KIF26B: variants seen among roughly 807,000 people sequenced by gnomAD.
KIF26B encodes kinesin-like protein KIF26B.
KIF26B carries 63 observed loss-of-function variants against 151.2 expected under a neutral mutation model. The observed-to-expected ratio is 0.42, with a 90% CI of 0.34 to 0.51. The LOEUF (loss-of-function observed/expected upper bound fraction) is 0.51. Ranked by LOEUF, KIF26B falls within the 20% of genes least tolerant of loss-of-function variation. The probability of loss-of-function intolerance (pLI) is 0.07; values close to 1 mark genes in which losing one functional copy is unlikely to be tolerated. For synonymous variants in KIF26B, 1,357 were observed against 1,262.1 expected (o/e 1.08, Z -1.59); for missense variants, 2,813 against 2,913.6 (o/e 0.97, Z 0.79).
intron 4 of KIF26B, among the ~76,000 whole-genome samples, chr1:245,532,397 C>T (rs1261895167): frequency 1.8e-4 from 27 of 151,788 alleles, no homozygotes; most frequent in Non-Finnish European, 8.8e-5. Flanking sequence ...AGGCGCCCGC[C>T]ACCATGCCCA....
In KIF26B at chr1:245,540,793, C is replaced by T. The variant is rs1007396332; in HGVS notation, c.1193C>T (p.Ser398Phe). ...ARAAQKLNLS[S>F]KKKKHRPSTS... is the part of the protein sequence containing the mutation. Reference sequence around the variant, plus strand: ...GCTGCCCAGAAGTTAAATCTGTCTTCTAAAAAGAAGAAACATCGGCCTTCC... The same window carrying T: ...GCTGCCCAGAAGTTAAATCTGTCTTTTAAAAAGAAGAAACATCGGCCTTCC... Residue 398 changes from serine (S) to phenylalanine (F), a missense_variant, in exon 5 of 15, where the codon TCT (serine) becomes TTT (phenylalanine). Ser to Phe is a radical substitution (Grantham distance 155, BLOSUM62 -2). Around this residue, in one of 3 missense-constraint regions of KIF26B, gnomAD observed 676 missense variants for 688.1 expected, o/e 0.98. Transcript: ENST00000407071. The surrounding 1 kb of genome is among the most constrained non-coding windows in gnomAD (Gnocchi z 4.6). 2 of 1,613,876 alleles carry T rather than the reference C, an allele frequency of 1.2e-6. No individual in the cohort carries two copies. Among genetic ancestry groups the T allele is most frequent in the African/African-American group, 2.7e-5 (2 of 74,928 alleles).
chr1:245,411,205 G>A (rs1166365499), intron 3 of KIF26B, among the ~76,000 whole-genome samples: 1 of 152,220 alleles, frequency 6.6e-6, no homozygotes, highest in Non-Finnish European at 1.5e-5. Context: ...CAGTAGGCCT[G>A]ACCCTGCCAG....
rs1172289303 is a variant in KIF26B, at chr1:245,540,253, AT to A, written c.1167-509del. Among the ~76,000 whole-genome samples, 1 of 152,024 alleles carries A rather than the reference AT, an allele frequency of 6.6e-6. No homozygotes were observed. Among genetic ancestry groups the A allele is most frequent in the African/African-American group, 2.4e-5 (1 of 41,384 alleles). On this transcript the variant is annotated intron_variant, in intron 4 of 14. Coordinates refer to ENST00000407071, the MANE Select transcript of KIF26B (RefSeq NM_018012.4). The surrounding 1 kb of genome is among the most constrained non-coding windows in gnomAD (Gnocchi z 4.6). Reference sequence around the variant, plus strand: ...GTGGTATATTTCTAAAACCAGTTTGATTTTTCCTGTTGCACTGGGGCTTGTG... The same window carrying A: ...GTGGTATATTTCTAAAACCAGTTTGATTTTCCTGTTGCACTGGGGCTTGTG...
chr1:245,196,868 A>G (rs910604140), intron 2 of KIF26B, among the ~76,000 whole-genome samples: 1 of 152,126 alleles, frequency 6.6e-6, no homozygotes, highest in African/African-American at 2.4e-5. Flanking sequence ...CTATCCTCAG[A>G]GGTACTGTGT....
At position 245,702,398 on chromosome 1, in the gene KIF26B, C is replaced by T. The variant is rs1344820196; in HGVS notation, c.6179-60C>T. Reference sequence around the variant, plus strand: ...GGGTGGCAGCTCCAGGCTGAGCCGTCGGGAGTTGCTTCTCACCCTGTTTGC... The same window carrying T: ...GGGTGGCAGCTCCAGGCTGAGCCGTTGGGAGTTGCTTCTCACCCTGTTTGC... On this transcript the variant is annotated intron_variant, in intron 14 of 14. Coordinates refer to ENST00000407071, the MANE Select transcript of KIF26B (RefSeq NM_018012.4). This position sits in a 1 kb window ranked among gnomAD's most constrained non-coding sequence, Gnocchi z 4.1. 8 of 1,594,026 alleles carry T rather than the reference C, an allele frequency of 5.0e-6. No homozygotes were observed. The Admixed American group carries it at 6.7e-5, about 13-fold the overall frequency.
Position 245,400,491 on chromosome 1 carries a change from T to TG in KIF26B, c.1000-19088_1000-19087insG, listed in dbSNP as rs561327762. Among the ~76,000 whole-genome samples, 200 of 150,812 alleles carry TG rather than the reference T, an allele frequency of 1.3e-3. 6 individuals are homozygous for TG. Among genetic ancestry groups the TG allele is most frequent in the Admixed American group, 0.012 (185 of 15,128 alleles). Reference sequence around the variant, plus strand: ...AAAACAATCACATAGATAGTGAGTTTTTTTTTTTTTTTTTTGAAATTACCT... The same window carrying TG: ...AAAACAATCACATAGATAGTGAGTTTGTTTTTTTTTTTTTTTGAAATTACCT... On this transcript the variant is annotated intron_variant, in intron 3 of 14. Transcript: ENST00000407071.
At chr1:245,334,038 AGGTGGGCTGGGGTGG>A (rs889167897) in intron 2 of KIF26B, among the ~76,000 whole-genome samples, 1 of 151,578 alleles carries the variant, frequency 6.6e-6, no homozygotes, top group Non-Finnish European at 1.5e-5. Context: ...ATGTCGGGTG[AGGTGGGCTGGGGTGG>A]GCGATTTATT....
chr1:245,182,587 C>T (rs1488634876), intron 2 of KIF26B, among the ~76,000 whole-genome samples: 1 of 152,002 alleles, frequency 6.6e-6, no homozygotes, highest in Admixed American at 6.5e-5. Flanking sequence ...TGGATAGATG[C>T]CTAGGTGTGG....
At position 245,488,958 on chromosome 1, in the gene KIF26B, C is replaced by A. The variant is rs1660339856; in HGVS notation, c.1167-51809C>A. 6.6e-6 allele frequency among the ~76,000 whole-genome samples: 1 copy of A among 152,144 alleles called. No individual in the cohort carries two copies. Among genetic ancestry groups the A allele is most frequent in the African/African-American group, 2.4e-5 (1 of 41,430 alleles). On this transcript the variant is annotated intron_variant, in intron 4 of 14. Transcript: ENST00000407071. The surrounding 1 kb of genome is among the most constrained non-coding windows in gnomAD (Gnocchi z 4.6). ...CTTAAGCCTCAGGCTCTTTTATTTG[C>A]AAATGTCCTGCACCCTCCATCTCAG...
intron 2 of KIF26B, among the ~76,000 whole-genome samples, chr1:245,222,697 A>G (rs899633666): frequency 6.6e-6 from 1 of 152,210 alleles, no homozygotes; most frequent in Non-Finnish European, 1.5e-5. Context: ...AATGTTGCAT[A>G]TTGAGAGTGG....
intron 2 of KIF26B, among the ~76,000 whole-genome samples, chr1:245,344,186 C>A (rs1672393295): frequency 6.6e-6 from 1 of 150,668 alleles, no homozygotes; most frequent in South Asian, 2.1e-4. Context: ...CTCCCTATCT[C>A]TTTCTTTCCT....
intron 2 of KIF26B, among the ~76,000 whole-genome samples, chr1:245,343,263 T>G (rs1225689156): frequency 6.6e-6 from 1 of 152,150 alleles, no homozygotes; most frequent in Non-Finnish European, 1.5e-5. Context: ...AGAAGATAGT[T>G]AATGCATTTA....
chr1:245,234,299 C>G (rs1386238851), intron 2 of KIF26B: 1 of 152,296 alleles, frequency 6.6e-6, no homozygotes, highest in Non-Finnish European at 1.5e-5. Context: ...TAAGTAAATA[C>G]CCAATAAAAT....
At chr1:245,474,474 C>T (rs1390349322) in intron 4 of KIF26B, among the ~76,000 whole-genome samples, 7 of 134,500 alleles carry the variant, frequency 5.2e-5, no homozygotes, top group Non-Finnish European at 6.4e-5. Context: ...TGCAATGGTG[C>T]GATCTTGGCT....
At chr1:245,333,996 G>T (rs936755585) in intron 2 of KIF26B, among the ~76,000 whole-genome samples, 2 of 150,746 alleles carry the variant, frequency 1.3e-5, no homozygotes, top group African/African-American at 2.4e-5. Context: ...GAGACTCCGT[G>T]TCAAAAAAAA....
intron 9 of KIF26B, among the ~76,000 whole-genome samples, chr1:245,642,108 G>A (rs981951976): frequency 6.6e-6 from 1 of 152,214 alleles, no homozygotes; most frequent in Admixed American, 6.5e-5. Context: ...CCCAATGACG[G>A]TACTTGTGTT....
At chr1:245,400,065 T>C (rs978497784) in intron 3 of KIF26B, among the ~76,000 whole-genome samples, 31 of 152,312 alleles carry the variant, frequency 2.0e-4, no homozygotes, top group African/African-American at 7.2e-4. Flanking sequence ...GAGAAGACAC[T>C]GCTTTTTAAA....
At chr1:245,535,364 T>C (rs1399337394) in intron 4 of KIF26B, among the ~76,000 whole-genome samples, 2 of 152,216 alleles carry the variant, frequency 1.3e-5, no homozygotes, top group Non-Finnish European at 2.9e-5. Flanking sequence ...TCCTGATATA[T>C]TTATTTTATA....
At chr1:245,537,296 A>G (rs1178572138) in intron 4 of KIF26B, among the ~76,000 whole-genome samples, 1 of 152,230 alleles carries the variant, frequency 6.6e-6, no homozygotes, top group Non-Finnish European at 1.5e-5. Context: ...TGACTGGAGC[A>G]GAATCATCAA....
Sources: allele counts gnomAD v4.1 joint callset (sites outside exome capture counted in the v4.1 genomes callset), GRCh38; gene constraint gnomAD v4.1.1; regional missense constraint gnomAD v4.1.1; non-coding constraint Gnocchi (gnomAD v3.1); transcripts MANE v1.5; gene names NCBI Gene and HGNC (gene_info 2026-07-23, HGNC 2026-07-21).